The following ATP2B2 variants were observed in gnomAD, a reference collection of about 807,000 sequenced individuals.
ATP2B2 encodes the protein plasma membrane calcium-transporting ATPase 2.
Under a neutral mutation model 120.0 loss-of-function variants are expected in ATP2B2, and 15 were observed. The observed-to-expected ratio is 0.12, with a 90% CI of 0.08 to 0.19. The LOEUF (loss-of-function observed/expected upper bound fraction) is 0.19, where lower values mean the gene tolerates loss of function less well. Among genes scored for constraint, ATP2B2 ranks in the 10% least tolerant of loss-of-function variants. The pLI, the probability that ATP2B2 is intolerant of heterozygous loss-of-function variation, is 1.00. For synonymous variants in ATP2B2, 694 were observed against 700.3 expected (o/e 0.99, Z 0.14); for missense variants, 1,045 against 1,719.8 (o/e 0.61, Z 6.94).
intron 1 of ATP2B2, among the ~76,000 whole-genome samples, chr3:10,457,260 A>T (rs1379940057): frequency 1.3e-5 from 2 of 151,860 alleles, no homozygotes; most frequent in Non-Finnish European, 2.9e-5. Flanking sequence ...ATGTGGGTGC[A>T]GGGTTAGTGT....
chr3:10,392,551 A>G (rs2061889362), intron 5 of ATP2B2, among the ~76,000 whole-genome samples: 1 of 152,254 alleles, frequency 6.6e-6, no homozygotes, highest in African/African-American at 2.4e-5. Flanking sequence ...TCAAAGGACG[A>G]CCACAGGGGC....
Position 10,402,047 on chromosome 3 carries a change from C to T in ATP2B2, c.655+44G>A, listed in dbSNP as rs115503570. 713 of 1,609,100 alleles carry T rather than the reference C, an allele frequency of 4.4e-4. 4 individuals are homozygous for T. The African/African-American group carries it at 8.2e-3, about 18-fold the overall frequency. On this transcript the variant is annotated intron_variant, in intron 4 of 22. Transcript: ENST00000360273. This position sits in a 1 kb window ranked among gnomAD's most constrained non-coding sequence, Gnocchi z 4.9. ...TCAGCCTGGCCTGTCCCACCTCTGCCGGAATCCAGCTTTAGAACCTGGCTC... is the reference window on the plus strand; with the variant it reads ...TCAGCCTGGCCTGTCCCACCTCTGCTGGAATCCAGCTTTAGAACCTGGCTC...
Position 10,660,048 on chromosome 3 carries a change from A to G in ATP2B2, c.-459-40087T>C, listed in dbSNP as rs142795598. 1.3e-3 allele frequency among the ~76,000 whole-genome samples: 202 copies of G among 152,348 alleles called. 6 individuals are homozygous for G. The East Asian group carries it at 0.032, about 24-fold the overall frequency. On this transcript the variant is annotated intron_variant, in intron 1 of 21. Coordinates refer to the ATP2B2 transcript ENST00000646379. Reference sequence around the variant, plus strand: ...GAAATACAGATGTTCTTTGAAACCAATGAGAATGAAGACACAACATACCAG... The same window carrying G: ...GAAATACAGATGTTCTTTGAAACCAGTGAGAATGAAGACACAACATACCAG...
chr3:10,466,872 C>T (rs1166651775), intron 1 of ATP2B2, among the ~76,000 whole-genome samples: 2 of 152,338 alleles, frequency 1.3e-5, no homozygotes, highest in African/African-American at 2.4e-5. Flanking sequence ...CCAGAGATAG[C>T]GACATCTCCA....
At chr3:10,654,369 T>G (rs188415459) in intron 1 of ATP2B2, among the ~76,000 whole-genome samples, 1 of 152,242 alleles carries the variant, frequency 6.6e-6, no homozygotes, top group East Asian at 1.9e-4. Context: ...TAAAAGGTCT[T>G]GATAAATATT....
chr3:10,356,208 G>A (rs1244468122), intron 14 of ATP2B2, among the ~76,000 whole-genome samples: 1 of 151,284 alleles, frequency 6.6e-6, no homozygotes, highest in African/African-American at 2.4e-5. Context: ...CAAAGGCCCT[G>A]AGGCAGGGAG....
At chr3:10,376,896 G>A (rs901497398) in intron 10 of ATP2B2, among the ~76,000 whole-genome samples, 1 of 152,160 alleles carries the variant, frequency 6.6e-6, no homozygotes, top group Admixed American at 6.5e-5. Flanking sequence ...CCATGGGATC[G>A]GGAGAGGCTG....
At position 10,403,649 on chromosome 3, in the gene ATP2B2, G is replaced by A. The variant is rs149847854; in HGVS notation, c.398-1301C>T. 1.2e-3 allele frequency among the ~76,000 whole-genome samples: 177 copies of A among 152,312 alleles called. 6 individuals are homozygous for A. The South Asian group carries it at 0.027, about 24-fold the overall frequency. On this transcript the variant is annotated intron_variant, in intron 3 of 22. Transcript: ENST00000360273. The stretch of plus-strand genomic sequence containing the variant: ...ATGGAAAGGAATCTCCAGCAGCATC[G>A]GATCATCCTTCCTGCAAAACTCAGA...
At chr3:10,430,089 G>A (rs574477602) in intron 2 of ATP2B2, among the ~76,000 whole-genome samples, 1 of 152,324 alleles carries the variant, frequency 6.6e-6, no homozygotes, top group Non-Finnish European at 1.5e-5. Flanking sequence ...CCACAGAAGT[G>A]ATTCCTTTTG....
chr3:10,490,786 T>G (rs908719100), intron 1 of ATP2B2, among the ~76,000 whole-genome samples: 8 of 152,192 alleles, frequency 5.3e-5, no homozygotes, highest in African/African-American at 1.7e-4. Flanking sequence ...CTGGGCCTCC[T>G]GCAACTGGCA....
intron 1 of ATP2B2, among the ~76,000 whole-genome samples, chr3:10,641,077 AAACT>A (rs1201895239): frequency 6.6e-6 from 1 of 152,228 alleles, no homozygotes; most frequent in African/African-American, 2.4e-5. Context: ...GAACTCAGGG[AAACT>A]AACAACCTTG....
intron 1 of ATP2B2, among the ~76,000 whole-genome samples, chr3:10,652,971 G>C (rs1320780870): frequency 6.6e-6 from 1 of 152,120 alleles, no homozygotes; most frequent in Non-Finnish European, 1.5e-5. Flanking sequence ...TGGGTACAGC[G>C]TTTCAGTTAA....
At chr3:10,366,078 G>A (rs1470970206) in intron 12 of ATP2B2, among the ~76,000 whole-genome samples, 4 of 152,096 alleles carry the variant, frequency 2.6e-5, no homozygotes, top group Non-Finnish European at 5.9e-5. Flanking sequence ...GCCCTGCTAA[G>A]TCCCTTCCAG....
intron 2 of ATP2B2, among the ~76,000 whole-genome samples, chr3:10,412,366 T>C (rs2062640987): frequency 6.6e-6 from 1 of 152,178 alleles, no homozygotes. Flanking sequence ...AGACTCCCTC[T>C]GTCCACTGTC....
chr3:10,460,362 G>A (rs1440516257), intron 1 of ATP2B2, among the ~76,000 whole-genome samples: 1 of 152,196 alleles, frequency 6.6e-6, no homozygotes, highest in East Asian at 1.9e-4. Context: ...GGGAGGTGGA[G>A]GTGGGTGTTA....
chr3:10,707,221 G>A (rs1248480954), intron 1 of ATP2B2, among the ~76,000 whole-genome samples: 1 of 152,206 alleles, frequency 6.6e-6, no homozygotes, highest in Non-Finnish European at 1.5e-5. Context: ...CCCACTGAAT[G>A]TGGGACTTCC....
intron 1 of ATP2B2, among the ~76,000 whole-genome samples, chr3:10,703,445 G>A (rs1379391629): frequency 6.6e-6 from 1 of 152,108 alleles, no homozygotes; most frequent in Non-Finnish European, 1.5e-5. Context: ...ATTCTATTAG[G>A]GAGAAAATTT....
chr3:10,532,794 T>A (rs1209339635), intron 3 of ATP2B2, among the ~76,000 whole-genome samples: 2 of 152,124 alleles, frequency 1.3e-5, no homozygotes, highest in East Asian at 3.9e-4. Context: ...GCTTGTTTGC[T>A]CCCTCCCTGA....
At chr3:10,444,955 T>C (rs912815835) in intron 2 of ATP2B2, among the ~76,000 whole-genome samples, 1 of 152,226 alleles carries the variant, frequency 6.6e-6, no homozygotes, top group African/African-American at 2.4e-5. Context: ...GTTGGAGACA[T>C]GGTGGAGAAT....
Sources: allele counts gnomAD v4.1 joint callset (sites outside exome capture counted in the v4.1 genomes callset), GRCh38; gene constraint gnomAD v4.1.1; non-coding constraint Gnocchi (gnomAD v3.1); transcripts MANE v1.5; gene names NCBI Gene and HGNC (gene_info 2026-07-23, HGNC 2026-07-21).